The following DPF3 variants were observed in gnomAD, a reference collection of about 807,000 sequenced individuals.
DPF3 encodes zinc finger protein DPF3.
DPF3 carries 18 observed loss-of-function variants against 56.8 expected under a neutral mutation model. The ratio of observed to expected loss-of-function variants is 0.32; its 90% CI spans 0.22 to 0.47. DPF3 has a LOEUF of 0.47. DPF3 is among the 20% of genes least tolerant of loss of function. The probability of loss-of-function intolerance (pLI) is 1.00; values close to 1 mark genes in which losing one functional copy is unlikely to be tolerated. For synonymous variants in DPF3, 188 were observed against 180.2 expected (o/e 1.04, Z -0.35); for missense variants, 403 against 488.8 (o/e 0.82, Z 1.65).
chr14:72,623,696 A>G (rs1884612688), intron 9 of DPF3, among the ~76,000 whole-genome samples: 1 of 152,256 alleles, frequency 6.6e-6, no homozygotes, highest in Non-Finnish European at 1.5e-5. Context: ...AACTGGATGC[A>G]TCAGTATAAA....
intron 4 of DPF3, among the ~76,000 whole-genome samples, chr14:72,729,680 G>A (rs1024071304): frequency 2.6e-5 from 4 of 152,134 alleles, no homozygotes; most frequent in Admixed American, 6.5e-5. Context: ...ATCTGAAAAG[G>A]CAACATACTG....
rs536696686 is a variant in DPF3 at position 72,686,589 on chromosome 14, G to T, written c.742+6487C>A. Among the ~76,000 whole-genome samples, 230 of 152,302 alleles carry T rather than the reference G, an allele frequency of 1.5e-3. 1 individual carries two copies. Among genetic ancestry groups the T allele is most frequent in the African/African-American group, 5.1e-3 (213 of 41,566 alleles). On this transcript the variant is annotated intron_variant, in intron 7 of 10. Coordinates refer to ENST00000556509, the MANE Select transcript of DPF3 (RefSeq NM_001280542.3). ...TAGATGACCTTTGAGGCCAGAAAATGAGCCCCAAGTATCCCCTGCAAGGAC... is the reference window on the plus strand; with the variant it reads ...TAGATGACCTTTGAGGCCAGAAAATTAGCCCCAAGTATCCCCTGCAAGGAC...
At chr14:72,727,138 T>C (rs1889439148) in intron 4 of DPF3, among the ~76,000 whole-genome samples, 1 of 150,790 alleles carries the variant, frequency 6.6e-6, no homozygotes, top group African/African-American at 2.5e-5. Context: ...GGCACAATAC[T>C]CCGGCCACAC....
intron 8 of DPF3, chr14:72,662,221 C>G: frequency 2.0e-6 from 2 of 985,390 alleles, no homozygotes; most frequent in Non-Finnish European, 2.4e-6. Context: ...AAAGCACATA[C>G]ATGAATGGCT....
At chr14:72,715,185 C>T (rs2153575838) in intron 5 of DPF3, among the ~76,000 whole-genome samples, 1 of 152,328 alleles carries the variant, frequency 6.6e-6, no homozygotes, top group South Asian at 2.1e-4. Flanking sequence ...GTGACGAAGA[C>T]CTTGACCCCC....
In DPF3 at chr14:72,823,712, G is replaced by A. The variant is rs142333406; in HGVS notation, c.33-51819C>T. Among the ~76,000 whole-genome samples, 266 of 152,276 alleles carry A rather than the reference G, an allele frequency of 1.7e-3. 1 individual carries two copies. The highest frequency in any genetic ancestry group is 3.8e-3 in the Admixed American group (58 of 15,300). Reference sequence around the variant, plus strand: ...TACCTTGAGAACAAGGAAAAATTGGGGGCTAGGGAGGTGTATGAGTGTTTT... The same window carrying A: ...TACCTTGAGAACAAGGAAAAATTGGAGGCTAGGGAGGTGTATGAGTGTTTT... On this transcript the variant is annotated intron_variant, in intron 1 of 10. Coordinates refer to ENST00000556509, the MANE Select transcript of DPF3 (RefSeq NM_001280542.3).
intron 6 of DPF3, among the ~76,000 whole-genome samples, chr14:72,709,432 T>TA (rs1330098964): frequency 6.6e-6 from 1 of 152,180 alleles, no homozygotes; most frequent in African/African-American, 2.4e-5. Context: ...GGAAATCATA[T>TA]AATTCCTTCC....
chr14:72,688,026 C>G (rs2153572367), intron 7 of DPF3, among the ~76,000 whole-genome samples: 1 of 151,938 alleles, frequency 6.6e-6, no homozygotes, highest in Middle Eastern at 3.4e-3. Context: ...CCACTCAAGA[C>G]TGTGAGCTCA....
chr14:72,765,792 A>T (rs1472138135), intron 2 of DPF3, among the ~76,000 whole-genome samples: 1 of 152,104 alleles, frequency 6.6e-6, no homozygotes, highest in Non-Finnish European at 1.5e-5. Context: ...CTAAAAATAC[A>T]AAAATAATTA....
At chr14:72,816,661 G>A (rs1883302950) in intron 1 of DPF3, among the ~76,000 whole-genome samples, 1 of 151,740 alleles carries the variant, frequency 6.6e-6, no homozygotes, top group Admixed American at 6.6e-5. Flanking sequence ...AAAGGAAGTA[G>A]TATGTAAAAG....
rs141290122 is a variant in DPF3, at chr14:72,611,990, G to A, written c.*7307C>T. Among the ~76,000 whole-genome samples the A allele has an allele frequency of 1.1e-3, 172 of 152,324 alleles. No homozygotes were observed. The highest frequency in any genetic ancestry group is 3.9e-3 in the African/African-American group (162 of 41,582). ...AGCAACTTGAAGGCTAGGCCAGCAT[G>A]CGGTTTATTTTCCAGCCCCTACAGG... On this transcript the variant is annotated 3_prime_UTR_variant, in exon 11 of 11. Coordinates refer to ENST00000556509, the MANE Select transcript of DPF3 (RefSeq NM_001280542.3).
intron 1 of DPF3, among the ~76,000 whole-genome samples, chr14:72,774,310 GTA>G (rs776790423): frequency 6.9e-6 from 1 of 145,818 alleles, no homozygotes; most frequent in Non-Finnish European, 1.5e-5. Flanking sequence ...GTTCTTTTAG[GTA>G]TATACTCAGG....
intron 1 of DPF3, among the ~76,000 whole-genome samples, chr14:72,875,131 G>A (rs902258396): frequency 3.9e-5 from 6 of 152,168 alleles, no homozygotes; most frequent in Non-Finnish European, 7.3e-5. Context: ...GGGAAAGACT[G>A]GCCTCCATGA....
chr14:72,610,117 G>A lies in DPF3; in HGVS notation c.*9180C>T, dbSNP rs572466674. ...CATTTTGGAATGATGGGGATAAAAT[G>A]TTGCAGTGGCTTCCCTCTCTGGTGC... On this transcript the variant is annotated 3_prime_UTR_variant, in exon 11 of 11. Transcript: ENST00000556509. Among the ~76,000 whole-genome samples the A allele has an allele frequency of 6.6e-6, 1 of 152,242 alleles. No individual in the cohort carries two copies. The highest frequency in any genetic ancestry group is 6.5e-5 in the Admixed American group (1 of 15,286).
At chr14:72,782,678 C>A (rs750193386) in intron 1 of DPF3, among the ~76,000 whole-genome samples, 1 of 152,062 alleles carries the variant, frequency 6.6e-6, no homozygotes, top group Non-Finnish European at 1.5e-5. Flanking sequence ...ACTAAAAATA[C>A]AAAAATTAGC....
In DPF3 at chr14:72,861,737, G is replaced by GAGAAAGAGAA. The variant is rs1555513991; in HGVS notation, c.32+32319_32+32320insTTCTCTTTCT. On this transcript the variant is annotated intron_variant, in intron 1 of 10. Transcript: ENST00000556509. ...GAAGAAAGAGAGAGAAAGAAAGAAA[G>GAGAAAGAGAA]AGAAAGAAAGAAAGAAAGAAAGAAA... Among the ~76,000 whole-genome samples, 136 of 84,600 alleles carry GAGAAAGAGAA rather than the reference G, an allele frequency of 1.6e-3. 1 individual carries two copies. The highest frequency in any genetic ancestry group is 6.1e-3 in the African/African-American group (130 of 21,366). 55.5% of individuals were successfully genotyped at this position (84,600 alleles called of 152,430 possible).
rs2803960 is a variant in DPF3 at position 72,614,410 on chromosome 14, A to G, written c.*4887T>C. Among the ~76,000 whole-genome samples the G allele has an allele frequency of 5.4e-3, 822 of 152,312 alleles. 12 individuals carry two copies. The highest frequency in any genetic ancestry group is 0.019 in the African/African-American group (793 of 41,572). ...AAAACGGGCAACACACAGCAGGAAG[A>G]GGAGGAGCTCTGTCCACTTTGCAGA... is the stretch of plus-strand genomic sequence containing the variant. On this transcript the variant is annotated 3_prime_UTR_variant, in exon 11 of 11. Coordinates refer to ENST00000556509, the MANE Select transcript of DPF3 (RefSeq NM_001280542.3).
chr14:72,820,942 G>C (rs1203452670), intron 1 of DPF3, among the ~76,000 whole-genome samples: 1 of 151,910 alleles, frequency 6.6e-6, no homozygotes. Flanking sequence ...GACCAGCCTG[G>C]ACAACATGAT....
chr14:72,660,962 G>A (rs1886189011), intron 8 of DPF3: 1 of 663,720 alleles, frequency 1.5e-6, no homozygotes, highest in Non-Finnish European at 1.9e-6. Flanking sequence ...AATCATCTCA[G>A]GAGTCCCTGC....
Sources: gnomAD v4.1 joint callset for allele counts (sites outside exome capture counted in the v4.1 genomes callset) on GRCh38, gnomAD v4.1.1 for gene constraint, MANE v1.5 for transcripts, NCBI Gene and HGNC (gene_info 2026-07-23, HGNC 2026-07-21) for gene names.